Variants in MYO18B observed in about 807,000 individuals in gnomAD.
MYO18B encodes unconventional myosin-XVIIIb.
Under a neutral mutation model 273.0 loss-of-function variants are expected in MYO18B, and 204 were observed. The observed-to-expected ratio is 0.75, with a 90% confidence interval of 0.67 to 0.84. The LOEUF (loss-of-function observed/expected upper bound fraction) is 0.84, where lower values mean the gene tolerates loss of function less well. MYO18B is among the 40% of genes least tolerant of loss of function. The pLI, the probability that MYO18B is intolerant of heterozygous loss-of-function variation, is 0.00. For missense variants in MYO18B, 3,212 were observed against 3,287.6 expected, an observed-to-expected ratio of 0.98 and a Z score of 0.56; for synonymous variants, 1,330 against 1,305.7, an observed-to-expected ratio of 1.02 and a Z score of -0.40.
intron 21 of MYO18B, among the ~76,000 whole-genome samples, chr22:25,861,895 C>T (rs1257832993): frequency 6.6e-6 from 1 of 152,132 alleles, no homozygotes; most frequent in African/African-American, 2.4e-5. Context: ...TCACGTCTTC[C>T]TCCTACCTTA....
chr22:25,946,359 T>C, intron 35 of MYO18B, 109 bp downstream of exon 35: 1 of 679,200 alleles, frequency 1.5e-6, no homozygotes. Context: ...GGACATTTAT[T>C]GTAAACCTAC....
intron 14 of MYO18B, among the ~76,000 whole-genome samples, chr22:25,826,997 G>A: frequency 6.6e-6 from 1 of 152,184 alleles, no homozygotes; most frequent in Non-Finnish European, 1.5e-5. Flanking sequence ...GGGAAGCAGA[G>A]GTTTCAGTGA....
intron 39 of MYO18B, among the ~76,000 whole-genome samples, chr22:25,976,031 C>G (rs4822677): frequency 0.13 from 19,923 of 152,124 alleles, 1,647 homozygotes; most frequent in Admixed American, 0.26. Context: ...TAGCTTGACC[C>G]TCAGCTGGGG....
At chr22:25,816,656 G>A (rs560795066) in intron 12 of MYO18B, among the ~76,000 whole-genome samples, 73 of 152,208 alleles carry the variant, frequency 4.8e-4, no homozygotes, top group Non-Finnish European at 9.1e-4. Flanking sequence ...TTCTTCACAA[G>A]CACTCCATGG....
intron 21 of MYO18B, among the ~76,000 whole-genome samples, chr22:25,852,889 G>A (rs1240223399): frequency 1.3e-5 from 2 of 152,202 alleles, no homozygotes; most frequent in Admixed American, 1.3e-4. Flanking sequence ...AAGTGGGAAG[G>A]ACCACAATGC....
intron 11 of MYO18B, among the ~76,000 whole-genome samples, chr22:25,792,602 C>T (rs945972062): frequency 1.4e-4 from 21 of 146,448 alleles, no homozygotes; most frequent in Admixed American, 3.6e-4. Context: ...TCAAGCCATT[C>T]GCCTGCCTTA....
chr22:25,988,696 C>A (rs901554979), intron 39 of MYO18B, among the ~76,000 whole-genome samples: 1 of 152,194 alleles, frequency 6.6e-6, no homozygotes, highest in Non-Finnish European at 1.5e-5. Context: ...TGACACTGTT[C>A]TTCCTGAGAC....
intron 25 of MYO18B, among the ~76,000 whole-genome samples, chr22:25,882,828 T>G (rs2091382007): frequency 1.3e-5 from 2 of 152,202 alleles, no homozygotes; most frequent in African/African-American, 4.8e-5. Flanking sequence ...GGGCTTTTAG[T>G]GCAACTACCA....
At chr22:25,810,950 G>A (rs60718843) in intron 12 of MYO18B, among the ~76,000 whole-genome samples, 2,722 of 152,032 alleles carry the variant, frequency 0.018, 97 homozygotes, top group African/African-American at 0.062. Flanking sequence ...TCATATATCC[G>A]TTGTTAGTAT....
At chr22:26,041,718 G>C in the MYO18B span, among the ~76,000 whole-genome samples, 1 of 152,284 alleles carries the variant, frequency 6.6e-6, no homozygotes, top group East Asian at 1.9e-4. Flanking sequence ...ATGAATCCAA[G>C]TGAGGGATGA....
chr22:25,867,527 C>T (rs2090922373), intron 21 of MYO18B, among the ~76,000 whole-genome samples: 1 of 152,196 alleles, frequency 6.6e-6, no homozygotes, highest in Non-Finnish European at 1.5e-5. Flanking sequence ...TCCATTCATC[C>T]ATCAATGGAC....
At chr22:25,868,217 C>T in intron 21 of MYO18B, 103 bp from the exon 22 acceptor site, 1 of 937,790 alleles carries the variant, frequency 1.1e-6, no homozygotes, top group South Asian at 1.5e-5. Flanking sequence ...CATGTGGGGT[C>T]ATCCTCCGTC....
chr22:25,908,687 C>T (rs562514182), intron 32 of MYO18B, among the ~76,000 whole-genome samples: 38 of 152,228 alleles, frequency 2.5e-4, no homozygotes, highest in African/African-American at 8.7e-4. Flanking sequence ...ACTAAGTCCC[C>T]GTAATGCCAT....
intron 2 of MYO18B, 42 bp downstream of exon 2, chr22:25,761,173 A>G (rs1200742341): frequency 5.0e-6 from 8 of 1,609,226 alleles, no homozygotes; most frequent in Non-Finnish European, 5.9e-6. Context: ...ATCTGCAGGG[A>G]CTGACTCGAC....
chr22:25,995,517 A>G (rs1933144849), intron 40 of MYO18B, among the ~76,000 whole-genome samples: 1 of 152,210 alleles, frequency 6.6e-6, no homozygotes. Context: ...CCCCATAAAT[A>G]TATATGCCTA....
At chr22:25,822,987 T>TG (rs1196736317) in intron 12 of MYO18B, among the ~76,000 whole-genome samples, 1 of 152,240 alleles carries the variant, frequency 6.6e-6, no homozygotes, top group East Asian at 1.9e-4. Flanking sequence ...CAAGGTTGTC[T>TG]GGCTATTTAT....
intron 25 of MYO18B, among the ~76,000 whole-genome samples, chr22:25,885,613 G>C (rs1192900456): frequency 6.6e-6 from 1 of 152,146 alleles, no homozygotes; most frequent in African/African-American, 2.4e-5. Flanking sequence ...GATGAGGCAT[G>C]AAGCCGGACT....
chr22:25,791,524 C>T (rs1041772462), intron 11 of MYO18B, among the ~76,000 whole-genome samples: 8 of 152,216 alleles, frequency 5.3e-5, no homozygotes, highest in Non-Finnish European at 1.0e-4. Context: ...TGAGATCTGC[C>T]AAGCACCAGG....
At chr22:25,951,176 A>G (rs1167560978) in intron 37 of MYO18B, among the ~76,000 whole-genome samples, 1 of 152,210 alleles carries the variant, frequency 6.6e-6, no homozygotes, top group Non-Finnish European at 1.5e-5. Context: ...TCTTTTGGCA[A>G]CAACCTCACA....
Sources: gnomAD v4.1 joint callset for allele counts (sites outside exome capture counted in the v4.1 genomes callset) on GRCh38, gnomAD v4.1.1 for gene constraint, MANE v1.5 for transcripts, NCBI Gene and HGNC (gene_info 2026-07-23, HGNC 2026-07-21) for gene names.